EDRF1: variants seen among roughly 807,000 people sequenced by gnomAD.
The protein encoded by EDRF1 is erythroid differentiation-related factor 1.
EDRF1 carries 69 observed loss-of-function variants against 148.7 expected under a neutral mutation model. The observed-to-expected ratio is 0.46, with a 90% CI of 0.38 to 0.57. EDRF1 has a LOEUF of 0.57. Among genes scored for constraint, EDRF1 ranks in the 20% least tolerant of loss-of-function variants. EDRF1 has a pLI of 0.00. For synonymous variants in EDRF1, 515 were observed against 532.8 expected (o/e 0.97, Z 0.46); for missense variants, 1,118 against 1,478.7 (o/e 0.76, Z 4.00).
intron 24 of EDRF1, among the ~76,000 whole-genome samples, chr10:125,757,969 C>G (rs912933318): frequency 3.4e-4 from 52 of 152,296 alleles, no homozygotes; most frequent in African/African-American, 1.3e-3. Flanking sequence ...CCCGTTATGC[C>G]TATGTTAGAC....
chr10:125,749,757 AT>A, intron 22 of EDRF1, 192 bp downstream of exon 22: 1 of 653,470 alleles, frequency 1.5e-6, no homozygotes, highest in Non-Finnish European at 2.6e-6. Flanking sequence ...AGAGGAATGT[AT>A]TAGATTATGT....
At chr10:125,756,567 T>G (rs1294474823) in intron 24 of EDRF1, among the ~76,000 whole-genome samples, 1 of 152,222 alleles carries the variant, frequency 6.6e-6, no homozygotes, top group Non-Finnish European at 1.5e-5. Flanking sequence ...TTTATCTGTT[T>G]CTCCTCTCAG....
At chr10:125,729,300 C>T (rs1848396170) in intron 7 of EDRF1, 58 bp from the exon 8 acceptor site, 1 of 1,595,144 alleles carries the variant, frequency 6.3e-7, no homozygotes, top group East Asian at 2.2e-5. Context: ...TTTTATGGAT[C>T]ATGGGGGGAA....
Position 125,723,113 on chromosome 10 carries a change from G to A in EDRF1, c.363G>A (p.Val121=). 2 of 1,613,748 alleles carry A rather than the reference G, an allele frequency of 1.2e-6. No individual in the cohort carries two copies. Among genetic ancestry groups the A allele is most frequent in the Non-Finnish European group, 1.7e-6 (2 of 1,179,784 alleles). ...YDFIDSVGND[V]DVVSDSENIK... The stretch of plus-strand genomic sequence containing the variant: ...TTATTGATTCAGTGGGAAATGATGT[G>A]GATGTTGTCTCTGACTCTGAAGTAA... The change falls in exon 3 of 25, where the codon GTG becomes GTA. Residue 121 remains valine (V), a synonymous_variant. Coordinates refer to ENST00000356792, the MANE Select transcript of EDRF1 (RefSeq NM_001202438.2).
At chr10:125,740,788 T>C (rs1467824630) in intron 16 of EDRF1, 137 bp downstream of exon 16, 5 of 1,133,700 alleles carry the variant, frequency 4.4e-6, no homozygotes, top group Non-Finnish European at 3.9e-6. Flanking sequence ...ATCCTGTGTG[T>C]GTTACCTTCT....
intron 13 of EDRF1, among the ~76,000 whole-genome samples, chr10:125,737,389 G>T (rs1200781618): frequency 6.6e-6 from 1 of 152,148 alleles, no homozygotes; most frequent in African/African-American, 2.4e-5. Context: ...CAGGGTCCCA[G>T]CTCCCCACTC....
chr10:125,726,009 T>G (rs2133674816), intron 6 of EDRF1, 171 bp downstream of exon 6: 1 of 795,906 alleles, frequency 1.3e-6, no homozygotes, highest in East Asian at 2.7e-5. Flanking sequence ...TACTTTTTAG[T>G]TTTTCGCAAT....
chr10:125,751,367 T>G (rs1041359212), intron 22 of EDRF1, among the ~76,000 whole-genome samples: 3 of 152,148 alleles, frequency 2.0e-5, no homozygotes, highest in Non-Finnish European at 2.9e-5. Context: ...AATGCTCTAG[T>G]TTGTGACACC....
rs1275669736 is a variant in EDRF1 at position 125,743,170 on chromosome 10, A to G, written c.2484A>G (p.Gln828=). 1.9e-6 allele frequency: 3 copies of G among 1,613,966 alleles called. No homozygotes were observed. The highest frequency in any genetic ancestry group is 2.2e-5 in the East Asian group (1 of 44,810). ...EILQFSDLKS[Q]NPEHYVQVLK... is the part of the protein sequence containing the mutation. ...TGCAGTTTAGTGACTTGAAAAGCCAAAATCCAGAACACTATGTACAAGTAT... is the reference window on the plus strand; with the variant it reads ...TGCAGTTTAGTGACTTGAAAAGCCAGAATCCAGAACACTATGTACAAGTAT... The change falls in exon 18 of 25, where the codon CAA becomes CAG. Residue 828 remains glutamine (Q), a synonymous_variant. Coordinates refer to ENST00000356792, the MANE Select transcript of EDRF1 (RefSeq NM_001202438.2).
chr10:125,738,798 T>C (rs1848863552), intron 15 of EDRF1, among the ~76,000 whole-genome samples: 1 of 152,200 alleles, frequency 6.6e-6, no homozygotes, highest in African/African-American at 2.4e-5. Context: ...CTCCACTTCT[T>C]TGAGTCACTT....
chr10:125,751,772 C>T (rs1849654064), intron 22 of EDRF1: 1 of 152,178 alleles, frequency 6.6e-6, no homozygotes, highest in Non-Finnish European at 1.5e-5. Flanking sequence ...AGCTGTTCTG[C>T]TTACAGCCAC....
intron 17 of EDRF1, 185 bp from the exon 18 acceptor site, chr10:125,742,873 T>C (rs1371422835): frequency 1.2e-6 from 1 of 856,730 alleles, no homozygotes; most frequent in Non-Finnish European, 1.4e-6. Context: ...TCCCAAGAAA[T>C]ATAATTTTAT....
chr10:125,725,795 AAAT>A lies in EDRF1; in HGVS notation c.750_752del (p.Met251del). On this transcript the variant is annotated inframe_deletion, in exon 6 of 25. Coordinates refer to ENST00000356792, the MANE Select transcript of EDRF1 (RefSeq NM_001202438.2). ...GGGGCTTCATGGCCTGCTCCCTTCGAAATGCCTTCTTCAGTTTCTGAAGATCCC... is the reference window on the plus strand; with the variant it reads ...GGGGCTTCATGGCCTGCTCCCTTCGAGCCTTCTTCAGTTTCTGAAGATCCC... 1 of 1,614,068 alleles carries A rather than the reference AAAT, an allele frequency of 6.2e-7. No homozygotes were observed. Among genetic ancestry groups the A allele is most frequent in the South Asian group, 1.1e-5 (1 of 91,076 alleles).
chr10:125,740,748 T>A, intron 16 of EDRF1, 97 bp downstream of exon 16: 1 of 1,338,888 alleles, frequency 7.5e-7, no homozygotes, highest in Non-Finnish European at 1.1e-6. Flanking sequence ...ATTTTTCTAG[T>A]AAATCTTTAT....
chr10:125,752,697 T>TAA (rs762226393), intron 22 of EDRF1, 102 bp from the exon 23 acceptor site: 85 of 770,368 alleles, frequency 1.1e-4, no homozygotes, highest in Non-Finnish European at 1.8e-4. Flanking sequence ...ATTAGCTTCC[T>TAA]TTATAGCATT....
At chr10:125,732,825 T>G (rs1170241502) in intron 9 of EDRF1, among the ~76,000 whole-genome samples, 2 of 152,046 alleles carry the variant, frequency 1.3e-5, no homozygotes, top group Non-Finnish European at 1.5e-5. Flanking sequence ...CAAAGGCACT[T>G]TTAAAATAGT....
chr10:125,731,128 C>G (rs1183511606), intron 9 of EDRF1, among the ~76,000 whole-genome samples: 3 of 151,966 alleles, frequency 2.0e-5, no homozygotes, highest in African/African-American at 7.3e-5. Context: ...GTATGAGTGA[C>G]AGAGCAAGAC....
At chr10:125,749,965 A>G (rs1158699959) in intron 22 of EDRF1, among the ~76,000 whole-genome samples, 2 of 152,114 alleles carry the variant, frequency 1.3e-5, no homozygotes, top group African/African-American at 4.8e-5. Flanking sequence ...ACATAGTGAA[A>G]CCCCGTCTCT....
At chr10:125,727,689 G>A (rs1351825622) in intron 6 of EDRF1, among the ~76,000 whole-genome samples, 1 of 152,198 alleles carries the variant, frequency 6.6e-6, no homozygotes, top group Non-Finnish European at 1.5e-5. Context: ...CTCTTCCCAA[G>A]CAGGTGCCAA....
Sources: allele counts gnomAD v4.1 joint callset (sites outside exome capture counted in the v4.1 genomes callset), GRCh38; gene constraint gnomAD v4.1.1; transcripts MANE v1.5; gene names NCBI Gene and HGNC (gene_info 2026-07-23, HGNC 2026-07-21).